Variants in ATF7IP2 observed in about 807,000 individuals in gnomAD.
ATF7IP2 encodes activating transcription factor 7 interacting protein 2.
A neutral mutation model predicts 64.2 loss-of-function variants in ATF7IP2; 42 were observed. The ratio of observed to expected loss-of-function variants is 0.65; its 90% CI spans 0.51 to 0.85. ATF7IP2 has a LOEUF of 0.85. ATF7IP2 is among the 40% of genes least tolerant of loss of function. The pLI is 0.00. For synonymous variants in ATF7IP2, 308 were observed against 272.8 expected (o/e 1.13, Z -1.27); for missense variants, 933 against 784.2 (o/e 1.19, Z -2.27).
chr16:10,475,544 T>G (rs1473513890), intron 12 of ATF7IP2, among the ~76,000 whole-genome samples: 1 of 151,170 alleles, frequency 6.6e-6, no homozygotes, highest in South Asian at 2.1e-4. Context: ...ACAAAAAAAA[T>G]TAGCCGGGTG....
At position 10,438,178 on chromosome 16, in the gene ATF7IP2, A is replaced by T. The variant is rs369349748; in HGVS notation, c.1038A>T (p.Gln346His). The change falls in exon 7 of 14, where the codon CAA becomes CAT. Residue 346 changes from glutamine to histidine, a missense_variant. Coordinates refer to ENST00000562102, the MANE Select transcript of ATF7IP2 (RefSeq NM_001393719.1). ...LFDKKLKELN[Q>H]RIGKTECRNK... is the part of the protein sequence containing the mutation. ...ATAAGAAACTGAAAGAATTGAACCA[A>T]CGCATTGGGAAGACAGAGTGCAGAA... 6.2e-7 allele frequency: 1 copy of T among 1,606,816 alleles called. No homozygotes were observed. Among genetic ancestry groups the T allele is most frequent in the Non-Finnish European group, 8.5e-7 (1 of 1,177,164 alleles).
chr16:10,448,926 A>C (rs1026870995), intron 8 of ATF7IP2: 2 of 152,314 alleles, frequency 1.3e-5, no homozygotes, highest in South Asian at 2.1e-4. Flanking sequence ...CTGCCCATTC[A>C]GTATGATATT....
At chr16:10,386,556 T>A (rs2047207950) in intron 1 of ATF7IP2, 1 of 152,194 alleles carries the variant, frequency 6.6e-6, no homozygotes, top group Non-Finnish European at 1.5e-5. Context: ...TTGAGTTGTT[T>A]TAATCATCTA....
intron 3 of ATF7IP2, among the ~76,000 whole-genome samples, chr16:10,426,191 A>G (rs1489714376): frequency 6.6e-6 from 1 of 152,256 alleles, no homozygotes; most frequent in African/African-American, 2.4e-5. Context: ...GTGTTACAGG[A>G]CAGTATTACC....
intron 12 of ATF7IP2, among the ~76,000 whole-genome samples, chr16:10,475,024 T>C (rs116335595): frequency 6.6e-6 from 1 of 151,840 alleles, no homozygotes; most frequent in African/African-American, 2.4e-5. Flanking sequence ...TCTACAAAAA[T>C]AAGAATAAAT....
At chr16:10,449,081 C>T (rs1052602503) in intron 8 of ATF7IP2, 1 of 151,912 alleles carries the variant, frequency 6.6e-6, no homozygotes, top group Non-Finnish European at 1.5e-5. Flanking sequence ...TGTGGTTTTT[C>T]TCATTGGTTC....
chr16:10,464,914 T>C (rs1301553624), intron 9 of ATF7IP2, among the ~76,000 whole-genome samples: 1 of 152,218 alleles, frequency 6.6e-6, no homozygotes, highest in African/African-American at 2.4e-5. Flanking sequence ...ACTGCAACCT[T>C]TCCCCTCCTG....
At chr16:10,448,261 T>C (rs1303610340) in intron 8 of ATF7IP2, 1 of 152,230 alleles carries the variant, frequency 6.6e-6, no homozygotes, top group East Asian at 1.9e-4. Context: ...ATGGGCTCTT[T>C]TTTGGTTCCA....
At chr16:10,467,736 A>T (rs2049630913) in intron 9 of ATF7IP2, among the ~76,000 whole-genome samples, 1 of 151,666 alleles carries the variant, frequency 6.6e-6, no homozygotes, top group Non-Finnish European at 1.5e-5. Flanking sequence ...TATTTTTAGC[A>T]GAGATGGGGT....
chr16:10,465,760 T>C (rs776739849), intron 9 of ATF7IP2, among the ~76,000 whole-genome samples: 1 of 151,122 alleles, frequency 6.6e-6, no homozygotes, highest in Non-Finnish European at 1.5e-5. Context: ...AGAGCTTTCA[T>C]TGGTAGCAGT....
chr16:10,411,996 A>ATTT (rs2047772195), intron 1 of ATF7IP2, among the ~76,000 whole-genome samples: 1 of 21,442 alleles, frequency 4.7e-5, no homozygotes, highest in Non-Finnish European at 1.2e-4. Flanking sequence ...TTTTTGTTTC[A>ATTT]TTTATCTTTT....
chr16:10,477,019 TA>T, intron 12 of ATF7IP2, among the ~76,000 whole-genome samples: 1 of 152,346 alleles, frequency 6.6e-6, no homozygotes, highest in South Asian at 2.1e-4. Flanking sequence ...AAATACCCAG[TA>T]ATGAGACTGC....
intron 2 of ATF7IP2, among the ~76,000 whole-genome samples, 172 bp from the exon 3 acceptor site, chr16:10,419,409 G>A (rs893075167): frequency 2.6e-5 from 4 of 152,070 alleles, no homozygotes; most frequent in African/African-American, 4.8e-5. Flanking sequence ...TCCACTGGGG[G>A]GTCCAGCCAA....
At chr16:10,436,170 G>T (rs2048412623) in intron 6 of ATF7IP2, among the ~76,000 whole-genome samples, 1 of 152,158 alleles carries the variant, frequency 6.6e-6, no homozygotes, top group African/African-American at 2.4e-5. Flanking sequence ...AGACCAGCCT[G>T]GCCAACAATG....
At chr16:10,464,103 C>A (rs1218343979) in intron 9 of ATF7IP2, among the ~76,000 whole-genome samples, 4 of 152,140 alleles carry the variant, frequency 2.6e-5, no homozygotes, top group African/African-American at 9.7e-5. Context: ...ATTGGTCTCT[C>A]AAGTTATGGC....
intron 8 of ATF7IP2, among the ~76,000 whole-genome samples, chr16:10,452,259 A>G (rs2049009484): frequency 6.6e-6 from 1 of 152,100 alleles, no homozygotes; most frequent in Non-Finnish European, 1.5e-5. Flanking sequence ...TTGTGGATTT[A>G]TCTACCTTTG....
At chr16:10,450,098 G>C (rs1421640743) in intron 8 of ATF7IP2, among the ~76,000 whole-genome samples, 1 of 152,130 alleles carries the variant, frequency 6.6e-6, no homozygotes, top group African/African-American at 2.4e-5. Context: ...TTCAGGAGCA[G>C]GTTGTTCAGT....
intron 1 of ATF7IP2, among the ~76,000 whole-genome samples, chr16:10,413,800 T>G (rs1171688481): frequency 1.3e-5 from 2 of 152,198 alleles, no homozygotes; most frequent in Non-Finnish European, 2.9e-5. Context: ...GAAGCTTAGT[T>G]TCACTGGATA....
rs1169445140 is a variant in ATF7IP2 at position 10,431,039 on chromosome 16, C to G, written c.419C>G (p.Thr140Ser). ...FTEEAKDSLN[T>S]SENDSEHQTN... ...GAAGAGGCAAAAGATTCACTGAACA[C>G]TTCTGAAAACGATTCTGAGCATCAG... Residue 140 changes from threonine to serine, a missense_variant, in exon 5 of 14, where the codon ACT becomes AGT. Physicochemically the swap from Thr to Ser is moderately conservative, Grantham distance 58. Coordinates refer to ENST00000562102, the MANE Select transcript of ATF7IP2 (RefSeq NM_001393719.1). 1.7e-5 allele frequency: 27 copies of G among 1,614,184 alleles called. No individual in the cohort carries two copies. The highest frequency in any genetic ancestry group is 2.3e-5 in the Non-Finnish European group (27 of 1,180,046).
Sources: gnomAD v4.1 joint callset for allele counts (sites outside exome capture counted in the v4.1 genomes callset) on GRCh38, gnomAD v4.1.1 for gene constraint, MANE v1.5 for transcripts, NCBI Gene and HGNC (gene_info 2026-07-23, HGNC 2026-07-21) for gene names.